Variants in DEPDC1B observed in about 807,000 individuals in gnomAD.
DEPDC1B encodes DEP domain containing 1B.
DEPDC1B carries 51 observed loss-of-function variants against 66.5 expected under a neutral mutation model. The observed-to-expected ratio is 0.77, with a 90% CI of 0.61 to 0.97. The LOEUF (loss-of-function observed/expected upper bound fraction) is 0.97, where lower values mean the gene tolerates loss of function less well. DEPDC1B is among the 50% of genes least tolerant of loss of function. The pLI, the probability that DEPDC1B is intolerant of heterozygous loss-of-function variation, is 0.00. For synonymous variants in DEPDC1B, 226 were observed against 223.6 expected (o/e 1.01, Z -0.10); for missense variants, 552 against 637.1 (o/e 0.87, Z 1.44).
intron 1 of DEPDC1B, among the ~76,000 whole-genome samples, chr5:60,691,300 C>T (rs1240654299): frequency 6.6e-6 from 1 of 151,658 alleles, no homozygotes; most frequent in Non-Finnish European, 1.5e-5. Flanking sequence ...GTAATGCACC[C>T]ACCTCAGCCT....
At chr5:60,625,377 C>T (rs1211828322) in intron 7 of DEPDC1B, among the ~76,000 whole-genome samples, 1 of 152,136 alleles carries the variant, frequency 6.6e-6, no homozygotes, top group Non-Finnish European at 1.5e-5. Flanking sequence ...AAAAGCGTTC[C>T]TATTTTTCCA....
intron 2 of DEPDC1B, among the ~76,000 whole-genome samples, chr5:60,663,854 G>T (rs1253991972): frequency 6.6e-6 from 1 of 152,214 alleles, no homozygotes; most frequent in African/African-American, 2.4e-5. Context: ...CTTACAGCAG[G>T]TTAAATACTT....
chr5:60,663,334 G>T (rs1374655254), intron 2 of DEPDC1B, among the ~76,000 whole-genome samples: 1 of 152,166 alleles, frequency 6.6e-6, no homozygotes, highest in Non-Finnish European at 1.5e-5. Context: ...CCAAGGCCTA[G>T]TAAAACCAAG....
At chr5:60,658,272 A>G (rs573612919) in intron 2 of DEPDC1B, among the ~76,000 whole-genome samples, 1 of 152,250 alleles carries the variant, frequency 6.6e-6, no homozygotes, top group South Asian at 2.1e-4. Flanking sequence ...TTAATAATCT[A>G]CCTTCACAAT....
At chr5:60,677,336 T>A (rs566478696) in intron 2 of DEPDC1B, among the ~76,000 whole-genome samples, 12,161 of 138,734 alleles carry the variant, frequency 0.088, 545 homozygotes, top group Middle Eastern at 0.1. Context: ...ACTCTCTCTC[T>A]CTCTCTCTCT....
chr5:60,641,840 A>G (rs910726756), intron 6 of DEPDC1B, among the ~76,000 whole-genome samples: 3 of 152,166 alleles, frequency 2.0e-5, no homozygotes, highest in Admixed American at 6.5e-5. Context: ...CCAAAAACCA[A>G]TGAAAATGTT....
rs769838776 is a variant in DEPDC1B, at chr5:60,597,291, T to C, written c.*462A>G. ...AAAACTGGAATTTATACAGGAGAAATGATAATTGGCTACTAAGTCAATAGC... is the reference window on the plus strand; with the variant it reads ...AAAACTGGAATTTATACAGGAGAAACGATAATTGGCTACTAAGTCAATAGC... On this transcript the variant is annotated 3_prime_UTR_variant, in exon 11 of 11. Coordinates refer to ENST00000265036, the MANE Select transcript of DEPDC1B (RefSeq NM_018369.3). The C allele has an allele frequency of 2.0e-5, 3 of 153,024 alleles. No homozygotes were observed. The highest frequency in any genetic ancestry group is 4.4e-5 in the Non-Finnish European group (3 of 68,372). The allele number at this position is 153,024 out of a possible 1,614,324, so 9.5% of individuals were successfully genotyped here. A position where few individuals can be genotyped will look rare whatever the true frequency, so the allele number is the denominator to read the frequency against.
intron 2 of DEPDC1B, among the ~76,000 whole-genome samples, chr5:60,657,438 T>TGCAA (rs1753603603): frequency 6.6e-6 from 1 of 152,354 alleles, no homozygotes; most frequent in African/African-American, 2.4e-5. Flanking sequence ...GTGTATTTCA[T>TGCAA]GCATTTGTTT....
chr5:60,614,059 T>TTTAC (rs1752481665), intron 7 of DEPDC1B, among the ~76,000 whole-genome samples: 1 of 152,110 alleles, frequency 6.6e-6, no homozygotes, highest in South Asian at 2.1e-4. Flanking sequence ...ATGAAAGGGA[T>TTTAC]TTACACCTTT....
chr5:60,641,951 A>G (rs1283212771), intron 6 of DEPDC1B, among the ~76,000 whole-genome samples: 1 of 152,198 alleles, frequency 6.6e-6, no homozygotes, highest in Non-Finnish European at 1.5e-5. Context: ...TCATCTTCAA[A>G]AGGCTATTCA....
chr5:60,688,970 G>A, intron 1 of DEPDC1B: 1 of 455,752 alleles, frequency 2.2e-6, no homozygotes, highest in Non-Finnish European at 4.4e-6. Flanking sequence ...GTAATACACT[G>A]CTGGCCATGC....
chr5:60,700,083 C>A lies in DEPDC1B; in HGVS notation c.11G>T (p.Arg4Leu), dbSNP rs1336259504. 6.4e-7 allele frequency: 1 copy of A among 1,557,098 alleles called. No homozygotes were observed. Among genetic ancestry groups the A allele is most frequent in the Non-Finnish European group, 8.7e-7 (1 of 1,152,914 alleles). Reference sequence around the variant, plus strand: ...TCGGTACGGCCCGGGCCCCACGATGCGATGCTCCATGGCGCGTAGGCAGCA... The same window carrying A: ...TCGGTACGGCCCGGGCCCCACGATGAGATGCTCCATGGCGCGTAGGCAGCA... MEHRIVGPGPYRAT... is the reference protein window; with the variant it reads MEHLIVGPGPYRAT... Residue 4 changes from arginine (R) to leucine (L), a missense_variant, in exon 1 of 11, where the codon CGC becomes CTC. Coordinates refer to ENST00000265036, the MANE Select transcript of DEPDC1B (RefSeq NM_018369.3).
chr5:60,630,172 T>A (rs1463285105), intron 7 of DEPDC1B, among the ~76,000 whole-genome samples: 1 of 152,244 alleles, frequency 6.6e-6, no homozygotes, highest in Non-Finnish European at 1.5e-5. Flanking sequence ...AATATCCAGT[T>A]TTCTCAAAAT....
chr5:60,693,933 T>G (rs192939184), intron 1 of DEPDC1B, among the ~76,000 whole-genome samples: 128 of 152,252 alleles, frequency 8.4e-4, no homozygotes, highest in Non-Finnish European at 7.1e-4. Context: ...TAAAATTACC[T>G]AATGCATAAT....
At chr5:60,650,285 G>A (rs1753415292) in intron 2 of DEPDC1B, among the ~76,000 whole-genome samples, 1 of 152,170 alleles carries the variant, frequency 6.6e-6, no homozygotes, top group Non-Finnish European at 1.5e-5. Flanking sequence ...AAAACAAAGT[G>A]AGGTGACTTG....
chr5:60,624,046 T>G (rs925756655), intron 7 of DEPDC1B, among the ~76,000 whole-genome samples: 21 of 152,172 alleles, frequency 1.4e-4, no homozygotes, highest in African/African-American at 4.1e-4. Context: ...AAATGTTGTA[T>G]AGCAGTGATG....
chr5:60,677,326 A>ACACACACACT (rs770640655), intron 2 of DEPDC1B, among the ~76,000 whole-genome samples: 2 of 108,526 alleles, frequency 1.8e-5, no homozygotes, highest in East Asian at 5.3e-4. Context: ...ACACACACAC[A>ACACACACACT]CTCTCTCTCT....
At chr5:60,633,830 AT>A (rs1286499764) in intron 7 of DEPDC1B, among the ~76,000 whole-genome samples, 1 of 152,218 alleles carries the variant, frequency 6.6e-6, no homozygotes, top group Non-Finnish European at 1.5e-5. Context: ...CAGAATCCTA[AT>A]TGAAAGTAAT....
At chr5:60,681,786 A>C (rs998849502) in intron 2 of DEPDC1B, among the ~76,000 whole-genome samples, 6 of 148,836 alleles carry the variant, frequency 4.0e-5, no homozygotes, top group Admixed American at 2.0e-4. Context: ...CTGAATTATA[A>C]TTTTTTTTTT....
Sources: gnomAD v4.1 joint callset for allele counts (sites outside exome capture counted in the v4.1 genomes callset) on GRCh38, gnomAD v4.1.1 for gene constraint, MANE v1.5 for transcripts, NCBI Gene and HGNC (gene_info 2026-07-23, HGNC 2026-07-21) for gene names.